GALNT17: variants seen among roughly 807,000 people sequenced by gnomAD.
GALNT17 encodes polypeptide N-acetylgalactosaminyltransferase 17.
Under a neutral mutation model 63.7 loss-of-function variants are expected in GALNT17, and 29 were observed. The ratio of observed to expected loss-of-function variants is 0.46; its 90% CI spans 0.34 to 0.62. The LOEUF (loss-of-function observed/expected upper bound fraction) is 0.62, where lower values mean the gene tolerates loss of function less well. GALNT17 is among the 20% of genes least tolerant of loss of function. The probability of loss-of-function intolerance (pLI) is 0.01; values close to 1 mark genes in which losing one functional copy is unlikely to be tolerated. For synonymous variants in GALNT17, 305 were observed against 318.3 expected (o/e 0.96, Z 0.45); for missense variants, 603 against 799.6 (o/e 0.75, Z 2.97).
chr7:71,523,916 G>A (rs1020671786), intron 5 of GALNT17, among the ~76,000 whole-genome samples: 5 of 151,422 alleles, frequency 3.3e-5, no homozygotes, highest in Non-Finnish European at 5.9e-5. Flanking sequence ...TCAGGAGATC[G>A]AGACCATCCT....
At chr7:71,593,549 C>T (rs1014011129) in intron 6 of GALNT17, among the ~76,000 whole-genome samples, 3 of 152,122 alleles carry the variant, frequency 2.0e-5, no homozygotes, top group Non-Finnish European at 2.9e-5. Flanking sequence ...CAGGCGTGAG[C>T]CACCACGCCT....
At chr7:71,221,448 C>T (rs896288367) in intron 1 of GALNT17, among the ~76,000 whole-genome samples, 5 of 142,438 alleles carry the variant, frequency 3.5e-5, no homozygotes, top group Non-Finnish European at 7.5e-5. Flanking sequence ...AGCCTCCTCT[C>T]TGGGGTCCTG....
chr7:71,428,159 C>G (rs1325019698), intron 5 of GALNT17, among the ~76,000 whole-genome samples: 1 of 152,102 alleles, frequency 6.6e-6, no homozygotes, highest in Non-Finnish European at 1.5e-5. Context: ...TAAGAACATT[C>G]CCAGTGTTGT....
chr7:71,524,489 A>G (rs1788592434), intron 5 of GALNT17, among the ~76,000 whole-genome samples: 1 of 152,086 alleles, frequency 6.6e-6, no homozygotes, highest in Non-Finnish European at 1.5e-5. Flanking sequence ...AAACTCTGAC[A>G]AAACTCTACC....
intron 1 of GALNT17, among the ~76,000 whole-genome samples, chr7:71,201,589 C>G (rs1254040753): frequency 1.3e-5 from 2 of 148,798 alleles, no homozygotes; most frequent in Non-Finnish European, 3.0e-5. Context: ...TGATTTCTGT[C>G]CTAATGCATG....
intron 5 of GALNT17, among the ~76,000 whole-genome samples, chr7:71,470,501 A>G (rs1787609962): frequency 6.6e-6 from 1 of 152,114 alleles, no homozygotes; most frequent in Non-Finnish European, 1.5e-5. Flanking sequence ...ACTCATACAC[A>G]GACCCAGATT....
rs890424377 is a variant in GALNT17 at position 71,268,726 on chromosome 7, G to A, written c.239-66824G>A. Among the ~76,000 whole-genome samples the A allele has an allele frequency of 5.3e-5, 8 of 152,108 alleles. No homozygotes were observed. In the South Asian group the frequency reaches 1.0e-3, roughly 20 times the overall value. On this transcript the variant is annotated intron_variant, in intron 1 of 10. Transcript: ENST00000333538. ...CAGGGTTTGATGAGTGCATTCTTGG[G>A]ATCACCTGAAATAGGGAAGAAATTG...
intron 5 of GALNT17, among the ~76,000 whole-genome samples, chr7:71,461,571 T>C (rs760642667): frequency 6.6e-6 from 1 of 152,228 alleles, no homozygotes; most frequent in Non-Finnish European, 1.5e-5. Flanking sequence ...TGGTTTTCTT[T>C]CCTGTGCACA....
In GALNT17 at chr7:71,201,244, T is replaced by TATATATATATATATAC. The variant is rs753976717; in HGVS notation, c.238+68217_238+68218insTACATATATATATATA. Reference sequence around the variant, plus strand: ...ATGGGGGTGTGTGTGTTTATTTTTATATATATATATATAATTTGTGTGTGC... The same window carrying TATATATATATATATAC: ...ATGGGGGTGTGTGTGTTTATTTTTATATATATATATATATACATATATATATATAATTTGTGTGTGC... On this transcript the variant is annotated intron_variant, in intron 1 of 10. Coordinates refer to ENST00000333538, the MANE Select transcript of GALNT17 (RefSeq NM_022479.3). 8.0e-4 allele frequency among the ~76,000 whole-genome samples: 117 copies of TATATATATATATATAC among 146,756 alleles called. 3 individuals are homozygous for TATATATATATATATAC. The highest frequency in any genetic ancestry group is 2.8e-3 in the African/African-American group (110 of 39,240).
chr7:71,340,903 T>A (rs1791994980), intron 2 of GALNT17, among the ~76,000 whole-genome samples: 1 of 152,080 alleles, frequency 6.6e-6, no homozygotes, highest in South Asian at 2.1e-4. Context: ...CTGGGCATAG[T>A]GGTGCATGCT....
At chr7:71,701,932 T>C (rs955223374) in intron 9 of GALNT17, among the ~76,000 whole-genome samples, 1 of 145,138 alleles carries the variant, frequency 6.9e-6, no homozygotes, top group Admixed American at 7.0e-5. Flanking sequence ...TGTATATATA[T>C]ACATGTCATG....
chr7:71,132,715 GT>G lies in GALNT17; in HGVS notation c.-87del. 8.7e-7 allele frequency: 1 copy of G among 1,150,622 alleles called. No homozygotes were observed. Among genetic ancestry groups the G allele is most frequent in the African/African-American group, 1.6e-5 (1 of 63,120 alleles). 71.3% of individuals were successfully genotyped at this position (1,150,622 alleles called of 1,614,324 possible). ...TGGATCCCTGCCGGCCGTCTGGTGT[GT>G]GAGGCTTGCACGGCCCCTGGCTGCC... On this transcript the variant is annotated 5_prime_UTR_variant, in exon 1 of 11. Coordinates refer to ENST00000333538, the MANE Select transcript of GALNT17 (RefSeq NM_022479.3).
chr7:71,370,669 T>C (rs556693777), intron 2 of GALNT17, among the ~76,000 whole-genome samples: 1 of 152,242 alleles, frequency 6.6e-6, no homozygotes, highest in East Asian at 1.9e-4. Context: ...GTTTTCGCCA[T>C]GTTGGCCAGG....
chr7:71,587,510 A>G (rs1789736940), intron 6 of GALNT17, among the ~76,000 whole-genome samples: 1 of 152,016 alleles, frequency 6.6e-6, no homozygotes, highest in African/African-American at 2.4e-5. Context: ...TATTCTGGGT[A>G]CTATTACTTT....
At chr7:71,403,767 G>A (rs1028417593) in intron 3 of GALNT17, among the ~76,000 whole-genome samples, 1 of 152,140 alleles carries the variant, frequency 6.6e-6, no homozygotes, top group Non-Finnish European at 1.5e-5. Flanking sequence ...AAGAAAACTC[G>A]AGGAAGAAGT....
chr7:71,206,112 CAT>C (rs1789266112), intron 1 of GALNT17, among the ~76,000 whole-genome samples: 1 of 147,202 alleles, frequency 6.8e-6, no homozygotes, highest in Non-Finnish European at 1.5e-5. Flanking sequence ...TGTGTGTATA[CAT>C]ATGAGGTGTG....
At chr7:71,532,013 A>C (rs969508639) in intron 5 of GALNT17, among the ~76,000 whole-genome samples, 8 of 152,178 alleles carry the variant, frequency 5.3e-5, no homozygotes, top group African/African-American at 1.9e-4. Flanking sequence ...AGGGGTGTTA[A>C]TGGCAAATGC....
intron 1 of GALNT17, among the ~76,000 whole-genome samples, chr7:71,228,929 A>G (rs17142940): frequency 0.24 from 36,746 of 151,580 alleles, 8,535 homozygotes; most frequent in African/African-American, 0.6. Context: ...TCGGCAAAGT[A>G]CTGATTTGAT....
intron 5 of GALNT17, among the ~76,000 whole-genome samples, chr7:71,465,687 G>C (rs1787523861): frequency 6.6e-6 from 1 of 152,160 alleles, no homozygotes; most frequent in Non-Finnish European, 1.5e-5. Context: ...CAGATTCATG[G>C]AAAAGGCATA....
Sources: gnomAD v4.1 joint callset for allele counts (sites outside exome capture counted in the v4.1 genomes callset) on GRCh38, gnomAD v4.1.1 for gene constraint, MANE v1.5 for transcripts, NCBI Gene and HGNC (gene_info 2026-07-23, HGNC 2026-07-21) for gene names.